MIPOL1: variants seen among roughly 807,000 people sequenced by gnomAD.
MIPOL1 encodes the protein mirror-image polydactyly gene 1 protein.
Under a neutral mutation model 60.9 loss-of-function variants are expected in MIPOL1, and 57 were observed. The ratio of observed to expected loss-of-function variants is 0.94; its 90% CI spans 0.76 to 1.17. MIPOL1 has a LOEUF of 1.17. Among genes scored for constraint, MIPOL1 ranks in the 50% most tolerant of loss-of-function variants. The pLI is 0.00. For missense variants in MIPOL1, 551 were observed against 511.6 expected (o/e 1.08, Z -0.74); for synonymous variants, 179 against 168.8 (o/e 1.06, Z -0.47).
At chr14:37,391,440 T>C (rs1386436075) in intron 10 of MIPOL1, among the ~76,000 whole-genome samples, 1 of 149,098 alleles carries the variant, frequency 6.7e-6, no homozygotes, top group South Asian at 2.1e-4. Context: ...TCTGTCACCA[T>C]GCTGGAGTGC....
intron 9 of MIPOL1, among the ~76,000 whole-genome samples, chr14:37,329,169 A>G (rs1453138351): frequency 6.6e-6 from 1 of 152,106 alleles, no homozygotes; most frequent in African/African-American, 2.4e-5. Flanking sequence ...TAAGTTAATC[A>G]CCACTCAATA....
chr14:37,271,793 G>A (rs1045632145), intron 6 of MIPOL1, among the ~76,000 whole-genome samples: 1 of 151,554 alleles, frequency 6.6e-6, no homozygotes, highest in Non-Finnish European at 1.5e-5. Context: ...CAAGAATTTT[G>A]ATGCATTTGC....
At chr14:37,231,801 C>T (rs920441131) in intron 1 of MIPOL1, among the ~76,000 whole-genome samples, 3 of 151,914 alleles carry the variant, frequency 2.0e-5, no homozygotes, top group East Asian at 1.9e-4. Flanking sequence ...CCCTACAGGC[C>T]GGGAGTAGTG....
At chr14:37,268,606 C>CA (rs1295565963) in intron 4 of MIPOL1, 52 bp from the exon 5 acceptor site, 2 of 1,422,526 alleles carry the variant, frequency 1.4e-6, no homozygotes, top group Admixed American at 2.3e-5. Flanking sequence ...TACAAAATGT[C>CA]AAAAAATTAG....
chr14:37,386,050 G>T (rs1478871681), intron 10 of MIPOL1, among the ~76,000 whole-genome samples: 1 of 151,874 alleles, frequency 6.6e-6, no homozygotes, highest in East Asian at 1.9e-4. Context: ...CTTCTTTAGT[G>T]GTTTGGAAAT....
intron 6 of MIPOL1, among the ~76,000 whole-genome samples, chr14:37,270,910 C>T (rs1032876833): frequency 6.6e-6 from 1 of 151,928 alleles, no homozygotes; most frequent in Non-Finnish European, 1.5e-5. Context: ...AATACTTCTC[C>T]TTTGTATGAA....
chr14:37,528,620 A>G (rs2095462143), intron 12 of MIPOL1, among the ~76,000 whole-genome samples: 1 of 152,168 alleles, frequency 6.6e-6, no homozygotes. Flanking sequence ...AAAGTGTATT[A>G]TCATAATATT....
At chr14:37,319,859 CA>C (rs2153445799) in intron 9 of MIPOL1, among the ~76,000 whole-genome samples, 1 of 152,170 alleles carries the variant, frequency 6.6e-6, no homozygotes, top group South Asian at 2.1e-4. Context: ...CTCCATGGGT[CA>C]TTTTGCATGT....
At chr14:37,256,219 T>C (rs1278360665) in intron 3 of MIPOL1, among the ~76,000 whole-genome samples, 1 of 151,868 alleles carries the variant, frequency 6.6e-6, no homozygotes, top group Non-Finnish European at 1.5e-5. Context: ...TTCAGATTAA[T>C]ATTAATCCCT....
intron 1 of MIPOL1, among the ~76,000 whole-genome samples, chr14:37,215,913 C>A (rs57291540): frequency 0.044 from 6,702 of 151,922 alleles, 287 homozygotes; most frequent in Admixed American, 0.099. Context: ...AATAAAAATA[C>A]AAAAATTAGC....
At chr14:37,392,301 C>A (rs998390721) in intron 10 of MIPOL1, among the ~76,000 whole-genome samples, 3 of 152,070 alleles carry the variant, frequency 2.0e-5, no homozygotes, top group African/African-American at 7.2e-5. Flanking sequence ...TGCATTTACA[C>A]CTAAGTATTT....
intron 1 of MIPOL1, among the ~76,000 whole-genome samples, chr14:37,228,181 T>G (rs900777726): frequency 6.6e-6 from 1 of 152,154 alleles, no homozygotes. Flanking sequence ...CCATACACAT[T>G]ACACATTTTT....
chr14:37,391,003 TAAG>T (rs1185567709), intron 10 of MIPOL1, among the ~76,000 whole-genome samples: 2 of 151,906 alleles, frequency 1.3e-5, no homozygotes, highest in African/African-American at 4.8e-5. Flanking sequence ...AACTCAGAGA[TAAG>T]GAGAAAAATT....
At chr14:37,450,488 G>C (rs965589152) in intron 11 of MIPOL1, among the ~76,000 whole-genome samples, 6 of 151,968 alleles carry the variant, frequency 3.9e-5, no homozygotes, top group African/African-American at 1.2e-4. Flanking sequence ...ATCAATCTTT[G>C]TAGACGTTTT....
intron 9 of MIPOL1, among the ~76,000 whole-genome samples, chr14:37,365,804 T>G (rs1030047250): frequency 6.6e-6 from 1 of 152,076 alleles, no homozygotes; most frequent in African/African-American, 2.4e-5. Flanking sequence ...CTATAAATAT[T>G]TATTAGAATT....
intron 9 of MIPOL1, among the ~76,000 whole-genome samples, chr14:37,368,811 T>C (rs1189939849): frequency 6.6e-6 from 1 of 152,080 alleles, no homozygotes; most frequent in Non-Finnish European, 1.5e-5. Flanking sequence ...TTTTTGAACA[T>C]AGATGCTTCT....
chr14:37,356,773 C>A (rs528399627), intron 9 of MIPOL1, among the ~76,000 whole-genome samples: 2 of 152,192 alleles, frequency 1.3e-5, no homozygotes, highest in African/African-American at 4.8e-5. Flanking sequence ...GGCTCACGCA[C>A]GGTGCGCGAA....
chr14:37,278,483 T>C (rs945908706), intron 6 of MIPOL1: 1 of 151,806 alleles, frequency 6.6e-6, no homozygotes, highest in African/African-American at 2.4e-5. Context: ...GATTCTTTCA[T>C]ATGTAGTAAA....
intron 11 of MIPOL1, among the ~76,000 whole-genome samples, chr14:37,424,488 C>T (rs537445094): frequency 6.6e-6 from 1 of 152,282 alleles, no homozygotes; most frequent in African/African-American, 2.4e-5. Context: ...GAAGGACTCT[C>T]CTTTACAGTT....
Sources: allele counts gnomAD v4.1 joint callset (sites outside exome capture counted in the v4.1 genomes callset), GRCh38; gene constraint gnomAD v4.1.1; transcripts MANE v1.5; gene names NCBI Gene and HGNC (gene_info 2026-07-23, HGNC 2026-07-21).